DACH1: variants seen among roughly 807,000 people sequenced by gnomAD.
DACH1 encodes the protein dachshund homolog 1.
Under a neutral mutation model 54.2 loss-of-function variants are expected in DACH1, and 12 were observed. That is an observed-to-expected ratio of 0.22 (90% CI 0.14 to 0.36). DACH1 has a LOEUF of 0.36. DACH1 is among the 10% of genes least tolerant of loss of function. The pLI is 1.00. For missense variants in DACH1, 805 were observed against 929.8 expected (o/e 0.87, Z 1.75); for synonymous variants, 386 against 366.2 (o/e 1.05, Z -0.62).
At chr13:71,836,321 A>T (rs531293443) in intron 1 of DACH1, among the ~76,000 whole-genome samples, 2 of 152,046 alleles carry the variant, frequency 1.3e-5, no homozygotes, top group Non-Finnish European at 2.9e-5. Flanking sequence ...AGTGGTTATT[A>T]TGTCTCTCAC....
chr13:71,525,433 C>T (rs1881888670), intron 6 of DACH1, among the ~76,000 whole-genome samples: 1 of 151,976 alleles, frequency 6.6e-6, no homozygotes, highest in Non-Finnish European at 1.5e-5. Flanking sequence ...TGGAAAGTCC[C>T]GTTATTGTCA....
intron 1 of DACH1, among the ~76,000 whole-genome samples, chr13:71,731,679 C>T (rs957118257): frequency 2.0e-5 from 3 of 152,090 alleles, no homozygotes; most frequent in Admixed American, 6.5e-5. Context: ...GACTAGACTC[C>T]GCTGTCAGAA....
chr13:71,667,354 A>G (rs1396131332), intron 2 of DACH1, among the ~76,000 whole-genome samples: 3 of 152,208 alleles, frequency 2.0e-5, no homozygotes, highest in Non-Finnish European at 2.9e-5. Context: ...TTTGCTGGAC[A>G]GACAGTCAAC....
intron 1 of DACH1, among the ~76,000 whole-genome samples, chr13:71,836,103 A>G (rs866498532): frequency 2.6e-4 from 39 of 152,048 alleles, no homozygotes; most frequent in Non-Finnish European, 4.4e-5. Flanking sequence ...ATCTTGCTCA[A>G]TAATTGCCTA....
chr13:71,763,898 C>A (rs547275890), intron 1 of DACH1, among the ~76,000 whole-genome samples: 5 of 152,246 alleles, frequency 3.3e-5, no homozygotes, highest in East Asian at 1.9e-4. Context: ...CATCCAGGGG[C>A]AAAATGCCCA....
intron 1 of DACH1, among the ~76,000 whole-genome samples, chr13:71,818,301 C>T (rs1350513115): frequency 6.6e-6 from 1 of 152,116 alleles, no homozygotes; most frequent in East Asian, 1.9e-4. Flanking sequence ...AGTGTGCTTT[C>T]ACTAGGTTGT....
chr13:71,513,155 A>G (rs1202984618), intron 6 of DACH1, among the ~76,000 whole-genome samples: 2 of 151,992 alleles, frequency 1.3e-5, no homozygotes, highest in Non-Finnish European at 2.9e-5. Flanking sequence ...ATGTATTTGC[A>G]TTCCATTAAT....
chr13:71,766,952 A>T (rs1317756977), intron 1 of DACH1, among the ~76,000 whole-genome samples: 4 of 152,028 alleles, frequency 2.6e-5, no homozygotes, highest in Non-Finnish European at 4.4e-5. Flanking sequence ...CTAGATAAAG[A>T]TAACAAAGAC....
At chr13:71,484,747 C>T (rs1319165354) in intron 7 of DACH1, among the ~76,000 whole-genome samples, 1 of 152,054 alleles carries the variant, frequency 6.6e-6, no homozygotes, top group East Asian at 1.9e-4. Flanking sequence ...GTTCACAACC[C>T]TATGTGCCAA....
intron 3 of DACH1, among the ~76,000 whole-genome samples, chr13:71,579,481 G>A (rs2138429960): frequency 6.6e-6 from 1 of 152,170 alleles, no homozygotes; most frequent in East Asian, 1.9e-4. Context: ...AGTGACTAAT[G>A]TAAGATGAAA....
At chr13:71,760,841 C>T (rs1180195310) in intron 1 of DACH1, among the ~76,000 whole-genome samples, 1 of 152,124 alleles carries the variant, frequency 6.6e-6, no homozygotes, top group African/African-American at 2.4e-5. Context: ...ATCTTCACTA[C>T]CCATCATCCA....
intron 1 of DACH1, among the ~76,000 whole-genome samples, chr13:71,847,786 G>A (rs1200741780): frequency 1.3e-5 from 2 of 152,132 alleles, no homozygotes; most frequent in East Asian, 3.9e-4. Flanking sequence ...GAAACAAGGT[G>A]TATTAACATA....
intron 1 of DACH1, among the ~76,000 whole-genome samples, chr13:71,740,814 T>C (rs1438309537): frequency 6.6e-6 from 1 of 152,196 alleles, no homozygotes; most frequent in Non-Finnish European, 1.5e-5. Flanking sequence ...ATGTATAATA[T>C]GTTGTCATTT....
intron 1 of DACH1, among the ~76,000 whole-genome samples, chr13:71,842,722 A>C (rs1402067774): frequency 6.8e-6 from 1 of 147,998 alleles, no homozygotes; most frequent in Non-Finnish European, 1.5e-5. Context: ...GGTTAGAAGA[A>C]AAAAAAAAAG....
chr13:71,513,335 A>T (rs1566308533), intron 6 of DACH1, among the ~76,000 whole-genome samples: 1 of 151,982 alleles, frequency 6.6e-6, no homozygotes, highest in Admixed American at 6.6e-5. Context: ...GCAGAAACCA[A>T]ATTAATGAGG....
chr13:71,631,301 A>T (rs1349885770), intron 2 of DACH1, among the ~76,000 whole-genome samples: 1 of 152,146 alleles, frequency 6.6e-6, no homozygotes, highest in Non-Finnish European at 1.5e-5. Context: ...AAAGCTACTC[A>T]TTAGAAGTCT....
intron 4 of DACH1, among the ~76,000 whole-genome samples, chr13:71,569,647 T>C (rs987206820): frequency 1.3e-5 from 2 of 152,120 alleles, no homozygotes; most frequent in Admixed American, 6.6e-5. Flanking sequence ...CTTTACTTCA[T>C]AGAAACAGCT....
At chr13:71,747,755 G>A (rs1884661004) in intron 1 of DACH1, among the ~76,000 whole-genome samples, 3 of 152,118 alleles carry the variant, frequency 2.0e-5, no homozygotes, top group Admixed American at 2.0e-4. Flanking sequence ...TGGGTCCATG[G>A]GAGGAAGCAA....
intron 1 of DACH1, among the ~76,000 whole-genome samples, chr13:71,805,192 G>T (rs1381378092): frequency 1.3e-5 from 2 of 152,118 alleles, no homozygotes; most frequent in South Asian, 2.1e-4. Context: ...ACCTTACAAA[G>T]GTTTATACAT....
Sources: gnomAD v4.1 joint callset for allele counts (sites outside exome capture counted in the v4.1 genomes callset) on GRCh38, gnomAD v4.1.1 for gene constraint, MANE v1.5 for transcripts, NCBI Gene and HGNC (gene_info 2026-07-23, HGNC 2026-07-21) for gene names.